Variants in WNK1 observed in about 807,000 individuals in gnomAD.
WNK1 encodes the protein WNK lysine deficient protein kinase 1.
WNK1 carries 38 observed loss-of-function variants against 222.8 expected under a neutral mutation model. The observed-to-expected ratio is 0.17, with a 90% CI of 0.13 to 0.22. The LOEUF is 0.22. Among genes scored for constraint, WNK1 ranks in the 10% least tolerant of loss-of-function variants. The pLI, the probability that WNK1 is intolerant of heterozygous loss-of-function variation, is 1.00. For missense variants in WNK1, 2,348 were observed against 2,918.4 expected (o/e 0.80, Z 4.50); for synonymous variants, 1,090 against 1,092.9 (o/e 1.00, Z 0.05).
intron 4 of WNK1, among the ~76,000 whole-genome samples, chr12:845,161 C>T (rs1273481532): frequency 6.6e-6 from 1 of 152,118 alleles, no homozygotes; most frequent in African/African-American, 2.4e-5. Context: ...TCCCAAAGTG[C>T]TGGGATTACA....
chr12:821,137 A>C (rs1273351050), intron 2 of WNK1, among the ~76,000 whole-genome samples: 1 of 136,420 alleles, frequency 7.3e-6, no homozygotes, highest in African/African-American at 2.9e-5. Flanking sequence ...ACTTCGTTCT[A>C]TTAGTGTGAT....
intron 8 of WNK1, chr12:867,649 C>G (rs1951785088): frequency 8.9e-6 from 5 of 563,478 alleles, no homozygotes; most frequent in Non-Finnish European, 1.6e-5. Context: ...CAGCTCTTAT[C>G]TAAAGCAAAG....
Position 827,415 on chromosome 12 carries a change from T to G in WNK1, c.1153+153T>G. 1.5e-6 allele frequency: 1 copy of G among 674,774 alleles called. No individual in the cohort carries two copies. Among genetic ancestry groups the G allele is most frequent in the Non-Finnish European group, 2.6e-6 (1 of 379,894 alleles). The allele number at this position is 674,774 out of a possible 1,614,324, so 41.8% of individuals were successfully genotyped here. A position where few individuals can be genotyped will look rare whatever the true frequency, so the allele number is the denominator to read the frequency against. On this transcript the variant is annotated intron_variant, in intron 3 of 27. Transcript: ENST00000315939. The surrounding 1 kb of genome is among the most constrained non-coding windows in gnomAD (Gnocchi z 4.6). ...TCCATTGTACTTATGAGATATAGGATTCTCTATATTTGTGCTTCTTGGAAT... is the reference window on the plus strand; with the variant it reads ...TCCATTGTACTTATGAGATATAGGAGTCTCTATATTTGTGCTTCTTGGAAT...
intron 1 of WNK1, among the ~76,000 whole-genome samples, chr12:773,966 T>C (rs540961767): frequency 1.5e-4 from 23 of 152,294 alleles, no homozygotes; most frequent in African/African-American, 4.3e-4. Context: ...TATTTCTGTT[T>C]TATGAAAACC....
intron 4 of WNK1, among the ~76,000 whole-genome samples, chr12:843,740 A>T (rs1257240614): frequency 1.3e-5 from 2 of 152,234 alleles, no homozygotes; most frequent in Non-Finnish European, 2.9e-5. Context: ...TGCAAAGTGC[A>T]GTCCTCAGAC....
intron 21 of WNK1, among the ~76,000 whole-genome samples, chr12:889,824 T>C (rs1000301760): frequency 1.3e-5 from 2 of 152,010 alleles, no homozygotes; most frequent in African/African-American, 4.8e-5. Context: ...ATCTCAAAAA[T>C]AATAATAATG....
At chr12:779,165 A>T (rs1943423860) in intron 1 of WNK1, among the ~76,000 whole-genome samples, 2 of 152,230 alleles carry the variant, frequency 1.3e-5, no homozygotes, top group Admixed American at 6.5e-5. Flanking sequence ...CTTTTCTCCA[A>T]AACAGTTGAA....
At position 890,449 on chromosome 12, in the gene WNK1, A is replaced by G; in HGVS notation, c.5449-4A>G. 6.2e-7 allele frequency: 1 copy of G among 1,614,120 alleles called. No homozygotes were observed. The highest frequency in any genetic ancestry group is 8.5e-7 in the Non-Finnish European group (1 of 1,179,994). The stretch of plus-strand genomic sequence containing the variant: ...TGTGGTGTCTGTCTGTGTGTGTTTT[A>G]CAGCCTGTGTCCATGGCGGCTCCAA... On this transcript the variant is annotated splice_region_variant and splice_polypyrimidine_tract_variant and intron_variant, in intron 21 of 27. Coordinates refer to ENST00000315939, the MANE Select transcript of WNK1 (RefSeq NM_018979.4).
At chr12:906,886 T>C in intron 26 of WNK1, 3 of 413,774 alleles carry the variant, frequency 7.3e-6, no homozygotes, top group Non-Finnish European at 9.7e-6. Context: ...AAGTAAAAAA[T>C]TAACTGGGTG....
intron 4 of WNK1, among the ~76,000 whole-genome samples, chr12:852,381 C>A (rs1950483698): frequency 6.6e-6 from 1 of 151,838 alleles, no homozygotes; most frequent in Non-Finnish European, 1.5e-5. Context: ...AATGAGTGTA[C>A]AATAGATATT....
intron 6 of WNK1, among the ~76,000 whole-genome samples, chr12:859,920 T>C (rs1219396020): frequency 6.6e-6 from 1 of 152,092 alleles, no homozygotes; most frequent in African/African-American, 2.4e-5. Flanking sequence ...TTCACCATGT[T>C]GGCCAGGCTT....
chr12:860,402 T>C (rs1951115006), intron 6 of WNK1, among the ~76,000 whole-genome samples: 1 of 152,230 alleles, frequency 6.6e-6, no homozygotes, highest in African/African-American at 2.4e-5. Context: ...CCAAAATAGC[T>C]GATTATTATG....
At position 883,587 on chromosome 12, in the gene WNK1, T is replaced by C. The variant is rs1953373852; in HGVS notation, c.3663+19T>C. On this transcript the variant is annotated intron_variant, in intron 16 of 27. Transcript: ENST00000315939. ...TTCTCAGGTAGGTTCACCACTCCCA[T>C]AGTGAAACTTTGTTGATTTAAAATA... 2 of 1,614,122 alleles carry C rather than the reference T, an allele frequency of 1.2e-6. No individual in the cohort carries two copies. Among genetic ancestry groups the C allele is most frequent in the East Asian group, 4.5e-5 (2 of 44,880 alleles).
In WNK1 at chr12:769,001, G is replaced by T. The variant is rs946368658; in HGVS notation, c.759+14677G>T. Among the ~76,000 whole-genome samples, 4 of 151,918 alleles carry T rather than the reference G, an allele frequency of 2.6e-5. No individual in the cohort carries two copies. The East Asian group carries it at 7.7e-4, about 29-fold the overall frequency. On this transcript the variant is annotated intron_variant, in intron 1 of 27. Transcript: ENST00000315939. ...ATTTTTTGTATTTTAGTAGAGATGGGGTTTCACCATGTTGACCAGGCTGGT... is the reference window on the plus strand; with the variant it reads ...ATTTTTTGTATTTTAGTAGAGATGGTGTTTCACCATGTTGACCAGGCTGGT...
intron 4 of WNK1, among the ~76,000 whole-genome samples, chr12:849,680 TA>T (rs1950275029): frequency 6.6e-6 from 1 of 152,130 alleles, no homozygotes. Context: ...ACTCATCATT[TA>T]ACATTAGGTA....
In WNK1 at chr12:850,566, T is replaced by G. The variant is rs1475142224; in HGVS notation, c.1312-6595T>G. 3.9e-5 allele frequency among the ~76,000 whole-genome samples: 6 copies of G among 152,310 alleles called. No individual in the cohort carries two copies. The South Asian group carries it at 8.3e-4, about 21-fold the overall frequency. On this transcript the variant is annotated intron_variant, in intron 4 of 27. Coordinates refer to ENST00000315939, the MANE Select transcript of WNK1 (RefSeq NM_018979.4). ...TTTCTTTTGCTGTGCAGAAGCTCTT[T>G]AGTTTAATTAGATCCCATTTGTCAA...
intron 8 of WNK1, chr12:868,286 G>T (rs1241137366): frequency 6.2e-7 from 1 of 1,605,852 alleles, no homozygotes. Flanking sequence ...GTATGTAGCT[G>T]GGGTACATTA....
intron 10 of WNK1, among the ~76,000 whole-genome samples, 187 bp from the exon 11 acceptor site, chr12:879,386 C>T (rs1952915172): frequency 6.6e-6 from 1 of 150,872 alleles, no homozygotes; most frequent in Admixed American, 6.6e-5. Flanking sequence ...CTCTCCTTTC[C>T]ATATTCTTAT....
chr12:790,151 C>G (rs955079663), intron 1 of WNK1, among the ~76,000 whole-genome samples: 1 of 152,218 alleles, frequency 6.6e-6, no homozygotes, highest in African/African-American at 2.4e-5. Flanking sequence ...ACTTAACTCA[C>G]TCTTGCGAGA....
Sources: allele counts gnomAD v4.1 joint callset (sites outside exome capture counted in the v4.1 genomes callset), GRCh38; gene constraint gnomAD v4.1.1; non-coding constraint Gnocchi (gnomAD v3.1); transcripts MANE v1.5; gene names NCBI Gene and HGNC (gene_info 2026-07-23, HGNC 2026-07-21).